Variants in PBX4 observed in about 807,000 individuals in gnomAD.
The protein encoded by PBX4 is PBX homeobox 4.
PBX4 carries 26 observed loss-of-function variants against 35.1 expected under a neutral mutation model. The observed-to-expected ratio is 0.74, with a 90% CI of 0.54 to 1.03. The LOEUF (loss-of-function observed/expected upper bound fraction) is 1.03, where lower values mean the gene tolerates loss of function less well. PBX4 is among the 50% of genes least tolerant of loss of function. The pLI, the probability that PBX4 is intolerant of heterozygous loss-of-function variation, is 0.00. For synonymous variants in PBX4, 199 were observed against 204.2 expected (o/e 0.97, Z 0.22); for missense variants, 448 against 504.3 (o/e 0.89, Z 1.07).
chr19:19,589,371 T>G (rs1434524967), intron 2 of PBX4, among the ~76,000 whole-genome samples: 1 of 151,266 alleles, frequency 6.6e-6, no homozygotes, highest in East Asian at 2.0e-4. Context: ...GAGGTGGAGC[T>G]TGCAGCGAGC....
At chr19:19,581,843 C>A (rs1266689661) in intron 2 of PBX4, among the ~76,000 whole-genome samples, 1 of 152,108 alleles carries the variant, frequency 6.6e-6, no homozygotes, top group Non-Finnish European at 1.5e-5. Flanking sequence ...GTGTTCCTGC[C>A]ACGATGCAAG....
intron 1 of PBX4, among the ~76,000 whole-genome samples, chr19:19,609,375 C>A (rs1424233571): frequency 1.3e-5 from 2 of 151,462 alleles, no homozygotes; most frequent in Admixed American, 1.3e-4. Context: ...CATGGAGAAA[C>A]CCCGTCTCTA....
chr19:19,576,923 T>A (rs2061423049), intron 2 of PBX4, among the ~76,000 whole-genome samples: 1 of 152,032 alleles, frequency 6.6e-6, no homozygotes, highest in Non-Finnish European at 1.5e-5. Flanking sequence ...CCGAGGATTT[T>A]AAAAAAATAT....
At chr19:19,593,660 T>G (rs936821224) in intron 2 of PBX4, among the ~76,000 whole-genome samples, 9 of 152,176 alleles carry the variant, frequency 5.9e-5, no homozygotes, top group Non-Finnish European at 8.8e-5. Context: ...GCTTGTGCAT[T>G]TCAGGGAGGA....
At chr19:19,596,054 C>T (rs1013041552) in intron 2 of PBX4, among the ~76,000 whole-genome samples, 2 of 151,964 alleles carry the variant, frequency 1.3e-5, no homozygotes, top group African/African-American at 2.4e-5. Flanking sequence ...GCTGTGACTT[C>T]ACCACTGCAT....
At position 19,563,989 on chromosome 19, in the gene PBX4, C is replaced by CT. The variant is rs890639024; in HGVS notation, c.926-375dup. On this transcript the variant is annotated intron_variant, in intron 6 of 7. Transcript: ENST00000251203. The surrounding 1 kb of genome is among the most constrained non-coding windows in gnomAD (Gnocchi z 5.1). ...CGCCCAGATAATTTGTTTTTTCTTTCTTTTTTTTTATTATTATTATACTTT... is the reference window on the plus strand; with the variant it reads ...CGCCCAGATAATTTGTTTTTTCTTTCTTTTTTTTTTATTATTATTATACTTT... 4.0e-3 allele frequency among the ~76,000 whole-genome samples: 599 copies of CT among 151,400 alleles called. 7 individuals carry two copies. The highest frequency in any genetic ancestry group is 0.012 in the African/African-American group (481 of 41,278).
intron 2 of PBX4, among the ~76,000 whole-genome samples, chr19:19,586,084 A>G (rs1448832570): frequency 6.6e-6 from 1 of 152,218 alleles, no homozygotes; most frequent in African/African-American, 2.4e-5. Flanking sequence ...CTAGTATGTG[A>G]TTTTTAAAAA....
chr19:19,602,487 C>A (rs532638273), intron 1 of PBX4, among the ~76,000 whole-genome samples: 129 of 151,928 alleles, frequency 8.5e-4, no homozygotes, highest in African/African-American at 2.9e-3. Context: ...GGGTCTTACT[C>A]TGTTGCCCAG....
chr19:19,564,903 G>A, intron 6 of PBX4, 30 bp downstream of exon 6: 1 of 1,614,106 alleles, frequency 6.2e-7, no homozygotes, highest in Non-Finnish European at 8.5e-7. Context: ...CATGGGTACA[G>A]ATGACTGTCC....
chr19:19,601,988 C>T (rs118087542), intron 1 of PBX4, among the ~76,000 whole-genome samples: 4,096 of 152,132 alleles, frequency 0.027, 90 homozygotes, highest in Non-Finnish European at 0.037. Context: ...AAGAGGCACG[C>T]ACCAACACAC....
At chr19:19,609,929 G>C (rs1292828620) in intron 1 of PBX4, among the ~76,000 whole-genome samples, 2 of 152,120 alleles carry the variant, frequency 1.3e-5, no homozygotes, top group Non-Finnish European at 2.9e-5. Context: ...GGTAAATGAG[G>C]GAAATCCTTA....
intron 2 of PBX4, among the ~76,000 whole-genome samples, chr19:19,596,673 T>C (rs2061563084): frequency 6.6e-6 from 1 of 152,070 alleles, no homozygotes; most frequent in Non-Finnish European, 1.5e-5. Context: ...TTGGGCACAG[T>C]GGCTCACACA....
chr19:19,598,995 GC>G (rs2061578588), intron 2 of PBX4, among the ~76,000 whole-genome samples: 1 of 138,386 alleles, frequency 7.2e-6, no homozygotes, highest in South Asian at 2.5e-4. Flanking sequence ...TTGGCTCACC[GC>G]ACACTCTTGT....
intron 2 of PBX4, chr19:19,588,311 AG>A: frequency 9.1e-7 from 1 of 1,096,526 alleles, no homozygotes; most frequent in Non-Finnish European, 1.4e-6. Flanking sequence ...GGACGCACAT[AG>A]GAGTCACAGA....
chr19:19,595,859 G>A (rs990374855), intron 2 of PBX4, among the ~76,000 whole-genome samples: 2 of 152,180 alleles, frequency 1.3e-5, no homozygotes, highest in East Asian at 3.8e-4. Context: ...ACAGGAGCAG[G>A]CTCTCACTGT....
chr19:19,609,386 C>A (rs2061649744), intron 1 of PBX4, among the ~76,000 whole-genome samples: 1 of 151,674 alleles, frequency 6.6e-6, no homozygotes, highest in African/African-American at 2.4e-5. Context: ...CCCGTCTCTA[C>A]TAAAAATACA....
Position 19,595,748 on chromosome 19 carries a change from G to C in PBX4, c.193+3544C>G, listed in dbSNP as rs1165675329. 2.7e-5 allele frequency among the ~76,000 whole-genome samples: 4 copies of C among 150,236 alleles called. No individual in the cohort carries two copies. In the East Asian group the frequency reaches 5.9e-4, roughly 22 times the overall value. The stretch of plus-strand genomic sequence containing the variant: ...GGCTGTCAGCAGCAGCAGTCTGCTG[G>C]GGGGTGGGGACAAGGAGGGGTCTGC... On this transcript the variant is annotated intron_variant, in intron 2 of 7. Transcript: ENST00000251203.
intron 1 of PBX4, among the ~76,000 whole-genome samples, chr19:19,600,831 A>G (rs1013521092): frequency 6.3e-4 from 95 of 151,776 alleles, no homozygotes; most frequent in Non-Finnish European, 5.3e-4. Flanking sequence ...AAAAAAAAAA[A>G]AAAGAAAGAA....
At position 19,563,647 on chromosome 19, in the gene PBX4, T is replaced by G. The variant is rs2061322507; in HGVS notation, c.926-32A>C. 1 of 1,526,076 alleles carries G rather than the reference T, an allele frequency of 6.6e-7. No individual in the cohort carries two copies. The highest frequency in any genetic ancestry group is 1.4e-5 in the African/African-American group (1 of 72,118). 94.5% of individuals were successfully genotyped at this position (1,526,076 alleles called of 1,614,324 possible). A position where few individuals can be genotyped will look rare whatever the true frequency, so the allele number is the denominator to read the frequency against. Reference sequence around the variant, plus strand: ...GAGATGGGAGCCGGGGTGGGCAGAGTCGTGGCGCCTCCTCAGGTGGAACCC... The same window carrying G: ...GAGATGGGAGCCGGGGTGGGCAGAGGCGTGGCGCCTCCTCAGGTGGAACCC... On this transcript the variant is annotated intron_variant, in intron 6 of 7. Transcript: ENST00000251203. This position sits in a 1 kb window ranked among gnomAD's most constrained non-coding sequence, Gnocchi z 5.1.
Sources: allele counts gnomAD v4.1 joint callset (sites outside exome capture counted in the v4.1 genomes callset), GRCh38; gene constraint gnomAD v4.1.1; non-coding constraint Gnocchi (gnomAD v3.1); transcripts MANE v1.5; gene names NCBI Gene and HGNC (gene_info 2026-07-23, HGNC 2026-07-21).